The following ROBO2 variants were observed in gnomAD, a reference collection of about 807,000 sequenced individuals.
The protein encoded by ROBO2 is roundabout homolog 2.
A neutral mutation model predicts 160.8 loss-of-function variants in ROBO2; 53 were observed. The observed-to-expected ratio is 0.33, with a 90% CI of 0.26 to 0.41. The LOEUF (loss-of-function observed/expected upper bound fraction) is 0.41, where lower values mean the gene tolerates loss of function less well. ROBO2 is among the 10% of genes least tolerant of loss of function. The probability of loss-of-function intolerance (pLI) is 1.00; values close to 1 mark genes in which losing one functional copy is unlikely to be tolerated. For synonymous variants in ROBO2, 664 were observed against 611.7 expected, an observed-to-expected ratio of 1.09 and a Z score of -1.26; for missense variants, 1,577 against 1,722.4, an observed-to-expected ratio of 0.92 and a Z score of 1.49.
At chr3:77,062,054 A>T (rs1453832847) in intron 1 of ROBO2, among the ~76,000 whole-genome samples, 1 of 152,178 alleles carries the variant, frequency 6.6e-6, no homozygotes, top group African/African-American at 2.4e-5. Flanking sequence ...AGAGGTCTCT[A>T]CATGTCAGTC....
intron 2 of ROBO2, among the ~76,000 whole-genome samples, chr3:76,862,796 A>G (rs2070935961): frequency 6.6e-6 from 1 of 152,108 alleles, no homozygotes; most frequent in African/African-American, 2.4e-5. Context: ...TTCAAAATCA[A>G]TATAGATTAA....
rs372797468 is a variant in ROBO2 at position 77,132,920 on chromosome 3, A to G, written c.388+34580A>G. 3.6e-4 allele frequency among the ~76,000 whole-genome samples: 55 copies of G among 152,284 alleles called. No homozygotes were observed. The East Asian group carries it at 9.3e-3, about 26-fold the overall frequency. On this transcript the variant is annotated intron_variant, in intron 2 of 25. Coordinates refer to ENST00000461745, the Ensembl canonical transcript of ROBO2. ...AGGTTGAAGGTTTACAGAAGTGAATACATCTTAAGAGAGAGATGAGTGGAG... is the reference window on the plus strand; with the variant it reads ...AGGTTGAAGGTTTACAGAAGTGAATGCATCTTAAGAGAGAGATGAGTGGAG...
At chr3:76,869,342 G>GGT (rs2071733652) in intron 2 of ROBO2, among the ~76,000 whole-genome samples, 1 of 71,356 alleles carries the variant, frequency 1.4e-5, no homozygotes, top group African/African-American at 5.1e-5. Flanking sequence ...AGAAATTGAT[G>GGT]TTTTTTTTTT....
chr3:77,054,758 G>A (rs1288352436), intron 1 of ROBO2, among the ~76,000 whole-genome samples: 8 of 152,128 alleles, frequency 5.3e-5, no homozygotes, highest in African/African-American at 1.9e-4. Flanking sequence ...GAGAGGTAAT[G>A]GAGGCCAATT....
Position 77,317,581 on chromosome 3 carries a change from A to T in ROBO2, c.389-159833A>T, listed in dbSNP as rs1207882960. 4.7e-6 allele frequency: 6 copies of T among 1,265,050 alleles called. No individual in the cohort carries two copies. The Admixed American group carries it at 1.2e-4, about 24-fold the overall frequency. 78.4% of individuals were successfully genotyped at this position (1,265,050 alleles called of 1,614,324 possible). ...AGACATCCCTAGCAGATTTGCCAAG[A>T]TCGGCATACGTGGGTGGCACAGCCG... On this transcript the variant is annotated intron_variant, in intron 2 of 25. Coordinates refer to ENST00000461745, the Ensembl canonical transcript of ROBO2.
chr3:77,022,877 C>G (rs2062728130), intron 2 of ROBO2, among the ~76,000 whole-genome samples: 1 of 152,124 alleles, frequency 6.6e-6, no homozygotes, highest in African/African-American at 2.4e-5. Context: ...GCGGCCACCA[C>G]CACCATCCAC....
At chr3:77,222,438 G>T (rs1212294945) in intron 2 of ROBO2, among the ~76,000 whole-genome samples, 1 of 152,150 alleles carries the variant, frequency 6.6e-6, no homozygotes, top group African/African-American at 2.4e-5. Flanking sequence ...CAGAAGAACT[G>T]AGTAATAAGG....
At chr3:77,259,289 A>T (rs141682587) in intron 2 of ROBO2, among the ~76,000 whole-genome samples, 1 of 152,364 alleles carries the variant, frequency 6.6e-6, no homozygotes, top group Admixed American at 6.5e-5. Context: ...TTAAGAATGC[A>T]TGTAAGAATT....
chr3:76,534,388 G>A (rs564334428), intron 2 of ROBO2, among the ~76,000 whole-genome samples: 2 of 152,036 alleles, frequency 1.3e-5, no homozygotes, highest in African/African-American at 2.4e-5. Flanking sequence ...AATGTTTTAC[G>A]TACCAAAGCT....
At chr3:76,397,164 A>G (rs898527040) in intron 2 of ROBO2, among the ~76,000 whole-genome samples, 2 of 152,168 alleles carry the variant, frequency 1.3e-5, no homozygotes, top group African/African-American at 4.8e-5. Flanking sequence ...CTCAGAAGTA[A>G]CGCCCCATAT....
At chr3:76,370,288 A>G (rs769875210) in intron 2 of ROBO2, among the ~76,000 whole-genome samples, 4 of 151,966 alleles carry the variant, frequency 2.6e-5, no homozygotes, top group Non-Finnish European at 4.4e-5. Flanking sequence ...ATGGTAAGGA[A>G]TAATTTGAGC....
chr3:76,315,117 C>T (rs1383380131), intron 2 of ROBO2, among the ~76,000 whole-genome samples: 1 of 152,156 alleles, frequency 6.6e-6, no homozygotes, highest in East Asian at 1.9e-4. Flanking sequence ...ACTGATCAAA[C>T]TAAGAGGGGG....
At chr3:76,377,466 A>C (rs1438842250) in intron 2 of ROBO2, among the ~76,000 whole-genome samples, 1 of 152,164 alleles carries the variant, frequency 6.6e-6, no homozygotes, top group African/African-American at 2.4e-5. Flanking sequence ...GGCTTCTGAA[A>C]CTGTGAAATT....
At chr3:76,426,724 A>AAGGATAGATT (rs772731627) in intron 2 of ROBO2, among the ~76,000 whole-genome samples, 6 of 151,676 alleles carry the variant, frequency 4.0e-5, no homozygotes, top group Non-Finnish European at 8.8e-5. Flanking sequence ...TTGTAGGTAG[A>AAGGATAGATT]AGGATAGATT....
chr3:76,116,154 A>G (rs80256691), intron 2 of ROBO2, among the ~76,000 whole-genome samples: 5 of 152,260 alleles, frequency 3.3e-5, no homozygotes, highest in Admixed American at 1.3e-4. Context: ...GATCTTGGAC[A>G]AGTTTGTCAA....
At chr3:77,125,109 C>A (rs537214940) in intron 2 of ROBO2, among the ~76,000 whole-genome samples, 126 of 152,216 alleles carry the variant, frequency 8.3e-4, no homozygotes, top group African/African-American at 2.9e-3. Context: ...TACTTTTGCT[C>A]ATTTTCCAGG....
At chr3:77,198,315 G>C (rs924575491) in intron 2 of ROBO2, among the ~76,000 whole-genome samples, 5 of 152,142 alleles carry the variant, frequency 3.3e-5, no homozygotes, top group Admixed American at 1.3e-4. Context: ...CATTTAAGTT[G>C]AAACTCAAGG....
chr3:76,875,656 C>T (rs552662748), intron 2 of ROBO2, among the ~76,000 whole-genome samples: 1 of 151,892 alleles, frequency 6.6e-6, no homozygotes, highest in African/African-American at 2.4e-5. Context: ...ACCCTTTTGC[C>T]TCCATCTTTA....
intron 2 of ROBO2, among the ~76,000 whole-genome samples, chr3:76,690,157 T>G (rs943025744): frequency 6.6e-6 from 1 of 152,088 alleles, no homozygotes; most frequent in Non-Finnish European, 1.5e-5. Context: ...GGAAGCATCT[T>G]ATAGAAATAA....
Sources: allele counts gnomAD v4.1 joint callset (sites outside exome capture counted in the v4.1 genomes callset), GRCh38; gene constraint gnomAD v4.1.1; transcripts MANE v1.5; gene names NCBI Gene and HGNC (gene_info 2026-07-23, HGNC 2026-07-21).